Variants in PHYHD1 observed in about 807,000 individuals in gnomAD.
The protein encoded by PHYHD1 is phytanoyl-CoA dioxygenase domain containing 1, also known as phytanoyl-CoA dioxygenase domain-containing protein 1.
In PHYHD1, 42 loss-of-function variants were observed where a neutral mutation model predicts 43.6. The ratio of observed to expected loss-of-function variants is 0.96; its 90% confidence interval spans 0.75 to 1.25. The LOEUF (loss-of-function observed/expected upper bound fraction) is 1.25. Among genes scored for constraint, PHYHD1 ranks in the 50% most tolerant of loss-of-function variants. The pLI is 0.00. For synonymous variants in PHYHD1, 139 were observed against 143.6 expected (o/e 0.97, Z 0.23); for missense variants, 342 against 370.8 (o/e 0.92, Z 0.64).
intron 8 of PHYHD1, 141 bp from the exon 9 acceptor site, chr9:128,937,616 G>C: frequency 1.1e-6 from 1 of 904,996 alleles, no homozygotes; most frequent in East Asian, 2.6e-5. Flanking sequence ...GCATATGGTA[G>C]GTGCTCAGTA....
chr9:128,940,159 T>G (rs963006376), intron 9 of PHYHD1, among the ~76,000 whole-genome samples: 2 of 152,208 alleles, frequency 1.3e-5, no homozygotes, highest in Non-Finnish European at 2.9e-5. Flanking sequence ...AGGTTGTTGT[T>G]GGAGCCACTT....
At chr9:128,936,804 T>C (rs1283655073) in intron 8 of PHYHD1, among the ~76,000 whole-genome samples, 159 bp downstream of exon 8, 1 of 152,158 alleles carries the variant, frequency 6.6e-6, no homozygotes, top group African/African-American at 2.4e-5. Context: ...TGGAACTTAG[T>C]TGATCCTCAG....
intron 4 of PHYHD1, among the ~76,000 whole-genome samples, chr9:128,930,897 C>T (rs1409225205): frequency 6.8e-6 from 1 of 146,792 alleles, no homozygotes; most frequent in African/African-American, 2.5e-5. Context: ...TGCAGTGAGC[C>T]GAGATTGGGT....
At chr9:128,923,720 C>A (rs964785853) in intron 3 of PHYHD1, among the ~76,000 whole-genome samples, 4 of 152,168 alleles carry the variant, frequency 2.6e-5, no homozygotes, top group Non-Finnish European at 5.9e-5. Context: ...CTGTGGCTCA[C>A]GTCTGTAATC....
At chr9:128,937,624 G>T in intron 8 of PHYHD1, 133 bp from the exon 9 acceptor site, 1 of 1,010,974 alleles carries the variant, frequency 9.9e-7, no homozygotes, top group Non-Finnish European at 1.5e-6. Flanking sequence ...TAGGTGCTCA[G>T]TAGCTGGGTG....
intron 4 of PHYHD1, among the ~76,000 whole-genome samples, chr9:128,931,996 G>A (rs1171334694): frequency 2.0e-5 from 3 of 150,452 alleles, no homozygotes; most frequent in South Asian, 4.2e-4. Context: ...TACCACGCCC[G>A]GCTAATTTTT....
At chr9:128,925,343 A>G (rs1841108229) in intron 3 of PHYHD1, among the ~76,000 whole-genome samples, 1 of 150,730 alleles carries the variant, frequency 6.6e-6, no homozygotes, top group Admixed American at 6.6e-5. Flanking sequence ...CTCCTGCCTC[A>G]GCCTCCCGAG....
intron 4 of PHYHD1, among the ~76,000 whole-genome samples, chr9:128,930,442 C>CT (rs896739625): frequency 1.3e-4 from 19 of 148,948 alleles, no homozygotes; most frequent in Non-Finnish European, 7.4e-5. Context: ...GAGACACTGT[C>CT]TTTTTAAAAA....
In PHYHD1 at chr9:128,932,172, A is replaced by ATTT. The variant is rs1367583651; in HGVS notation, c.193-1608_193-1607insTTT. On this transcript the variant is annotated intron_variant, in intron 4 of 12. Coordinates refer to ENST00000372592, the MANE Select transcript of PHYHD1 (RefSeq NM_001100876.2). The stretch of plus-strand genomic sequence containing the variant: ...TTCTATTATTATTATTATTATTGTT[A>ATTT]TTATTATTATTATTTTTTTTTTTTG... Among the ~76,000 whole-genome samples, 110 of 104,150 alleles carry ATTT rather than the reference A, an allele frequency of 1.1e-3. 1 individual carries two copies. The highest frequency in any genetic ancestry group is 3.1e-3 in the African/African-American group (71 of 23,210). The allele number at this position is 104,150 out of a possible 152,430, so 68.3% of individuals were successfully genotyped here.
intron 9 of PHYHD1, among the ~76,000 whole-genome samples, chr9:128,939,874 C>T (rs1222515467): frequency 8.2e-5 from 12 of 146,184 alleles, no homozygotes; most frequent in Non-Finnish European, 1.7e-4. Flanking sequence ...AGGCTGGTCT[C>T]AAATTCCTGA....
At chr9:128,940,548 A>G (rs758781396) in intron 10 of PHYHD1, 51 bp downstream of exon 10, 4 of 1,613,654 alleles carry the variant, frequency 2.5e-6, no homozygotes, top group African/African-American at 2.7e-5. Flanking sequence ...CCCCCTAGGG[A>G]GAGGGACCTT....
At chr9:128,930,712 G>C (rs1841251244) in intron 4 of PHYHD1, among the ~76,000 whole-genome samples, 2 of 152,078 alleles carry the variant, frequency 1.3e-5, no homozygotes, top group South Asian at 4.1e-4. Flanking sequence ...CACTTTGGGA[G>C]GCCGAGGCGG....
intron 8 of PHYHD1, 51 bp from the exon 9 acceptor site, chr9:128,937,706 G>C: frequency 6.2e-7 from 1 of 1,610,508 alleles, no homozygotes; most frequent in Non-Finnish European, 8.5e-7. Flanking sequence ...AGCAAGCCCA[G>C]CTCCTCTCTG....
At position 128,940,726 on chromosome 9, in the gene PHYHD1, G is replaced by A. The variant is rs1252017751; in HGVS notation, c.703+11G>A. On this transcript the variant is annotated intron_variant, in intron 11 of 12. Transcript: ENST00000372592. ...CCCCAGTGCAGAGAGGTAGGCAGAT[G>A]CAGAGGGCAGAGAGGCAGGGGGCTG... is the stretch of plus-strand genomic sequence containing the variant. 1 of 1,611,382 alleles carries A rather than the reference G, an allele frequency of 6.2e-7. No homozygotes were observed. Among genetic ancestry groups the A allele is most frequent in the African/African-American group, 1.3e-5 (1 of 74,834 alleles).
chr9:128,933,427 T>A (rs1841347937), intron 4 of PHYHD1, among the ~76,000 whole-genome samples: 1 of 152,058 alleles, frequency 6.6e-6, no homozygotes, highest in Non-Finnish European at 1.5e-5. Context: ...GTGTGAGTCG[T>A]TACTCCCAGC....
At position 128,930,735 on chromosome 9, in the gene PHYHD1, G is replaced by C. The variant is rs374412438; in HGVS notation, c.193-3047G>C. 3.2e-4 allele frequency among the ~76,000 whole-genome samples: 48 copies of C among 152,220 alleles called. No individual in the cohort carries two copies. The East Asian group carries it at 4.5e-3, about 14-fold the overall frequency. ...GAGGCCGAGGCGGGGGGATCACAAG[G>C]TCAGGAGATCGAGACCATCCTGGCT... On this transcript the variant is annotated intron_variant, in intron 4 of 12. Transcript: ENST00000372592.
At chr9:128,933,758 T>C in intron 4 of PHYHD1, 24 bp from the exon 5 acceptor site, 1 of 1,609,804 alleles carries the variant, frequency 6.2e-7, no homozygotes, top group Non-Finnish European at 8.5e-7. Flanking sequence ...GCTGTCTCAG[T>C]CCTCTGATGT....
In PHYHD1 at chr9:128,927,164, T is replaced by C. The variant is rs1252076013; in HGVS notation, c.160T>C (p.Ser54Pro). 6.2e-7 allele frequency: 1 copy of C among 1,614,090 alleles called. No homozygotes were observed. Among genetic ancestry groups the C allele is most frequent in the East Asian group, 2.2e-5 (1 of 44,866 alleles). Residue 54 changes from serine to proline, a missense_variant, in exon 4 of 13, where the codon TCC becomes CCC. Coordinates refer to ENST00000372592, the MANE Select transcript of PHYHD1 (RefSeq NM_001100876.2). The stretch of plus-strand genomic sequence containing the variant: ...TCCTCTCCACTGCCGCACAGAATTC[T>C]CCACCCAGGAAGAGGAGCAGCTTCG... ...DVPLHCRTEF[S>P]TQEEEQLRAQ...
intron 11 of PHYHD1, 152 bp from the exon 12 acceptor site, chr9:128,941,293 G>A (rs1841552905): frequency 2.0e-6 from 2 of 988,498 alleles, no homozygotes; most frequent in South Asian, 3.0e-5. Flanking sequence ...TGTCCCTGAG[G>A]GAGGCTGCAG....
Sources: allele counts gnomAD v4.1 joint callset (sites outside exome capture counted in the v4.1 genomes callset), GRCh38; gene constraint gnomAD v4.1.1; transcripts MANE v1.5; gene names NCBI Gene and HGNC (gene_info 2026-07-23, HGNC 2026-07-21).